AXDND1: variants seen among roughly 807,000 people sequenced by gnomAD.
AXDND1 encodes axonemal dynein light chain domain containing 1, also known as axonemal dynein light chain domain-containing protein 1.
In AXDND1, 110 loss-of-function variants were observed where a neutral mutation model predicts 137.5. The ratio of observed to expected loss-of-function variants is 0.80; its 90% CI spans 0.69 to 0.94. The LOEUF is 0.94. Among genes scored for constraint, AXDND1 ranks in the 40% least tolerant of loss-of-function variants. The pLI is 0.00. For missense variants in AXDND1, 1,191 were observed against 1,169.8 expected (o/e 1.02, Z -0.26); for synonymous variants, 414 against 399.7 (o/e 1.04, Z -0.43).
rs144388792 is a variant in AXDND1 at position 179,441,534 on chromosome 1, C to T, written c.1564-3436C>T. Among the ~76,000 whole-genome samples the T allele has an allele frequency of 5.1e-3, 781 of 152,296 alleles. 6 individuals are homozygous for T. Among genetic ancestry groups the T allele is most frequent in the African/African-American group, 0.018 (736 of 41,554 alleles). On this transcript the variant is annotated intron_variant, in intron 15 of 25. Transcript: ENST00000367618. ...CAATCCGCATTTGCATTCTCAAAAGCTAGAGTTAAGGTTAGCATTTCTGCG... is the reference window on the plus strand; with the variant it reads ...CAATCCGCATTTGCATTCTCAAAAGTTAGAGTTAAGGTTAGCATTTCTGCG...
chr1:179,464,428 T>C (rs1662826491), intron 16 of AXDND1, among the ~76,000 whole-genome samples: 1 of 152,200 alleles, frequency 6.6e-6, no homozygotes. Flanking sequence ...TCTTTAAGAA[T>C]GTTGAATATT....
intron 23 of AXDND1, among the ~76,000 whole-genome samples, chr1:179,532,720 C>A (rs1231436220): frequency 6.6e-6 from 1 of 151,604 alleles, no homozygotes; most frequent in Non-Finnish European, 1.5e-5. Context: ...CAATCTCTAC[C>A]TAAAAAAATT....
At chr1:179,475,219 C>CA (rs137969646) in intron 17 of AXDND1, among the ~76,000 whole-genome samples, 1 of 152,378 alleles carries the variant, frequency 6.6e-6, no homozygotes, top group East Asian at 1.9e-4. Flanking sequence ...AGCCCCCACA[C>CA]AGAGTCCCTA....
chr1:179,405,820 C>T (rs1424598355), intron 11 of AXDND1, among the ~76,000 whole-genome samples: 1 of 148,984 alleles, frequency 6.7e-6, no homozygotes, highest in African/African-American at 2.5e-5. Flanking sequence ...AAAAAGTTAA[C>T]TTTTTATTTT....
intron 20 of AXDND1, among the ~76,000 whole-genome samples, chr1:179,498,930 G>C (rs1667726844): frequency 1.3e-5 from 2 of 151,856 alleles, no homozygotes; most frequent in Admixed American, 6.6e-5. Flanking sequence ...AAAAACAACA[G>C]ATGCTAGTGA....
chr1:179,460,625 ACT>A (rs1243873894), intron 16 of AXDND1, among the ~76,000 whole-genome samples: 1 of 152,194 alleles, frequency 6.6e-6, no homozygotes, highest in Non-Finnish European at 1.5e-5. Context: ...GAATCGCCAC[ACT>A]GTCTTCCACA....
chr1:179,521,408 G>A (rs1670047658), intron 21 of AXDND1, among the ~76,000 whole-genome samples: 1 of 152,104 alleles, frequency 6.6e-6, no homozygotes, highest in Admixed American at 6.6e-5. Context: ...AATAGGGATA[G>A]TTTTACCTCT....
intron 21 of AXDND1, among the ~76,000 whole-genome samples, chr1:179,521,758 ATTT>A (rs34139679): frequency 0.28 from 35,039 of 123,698 alleles, 4,635 homozygotes; most frequent in East Asian, 0.54. Context: ...TCATTCTTAC[ATTT>A]TTTTTTTTTT....
chr1:179,480,990 T>A (rs929400687), intron 17 of AXDND1, among the ~76,000 whole-genome samples: 16 of 116,124 alleles, frequency 1.4e-4, no homozygotes, highest in Admixed American at 2.0e-4. Flanking sequence ...TTTTATATAT[T>A]TTTTTAATTA....
At position 179,439,737 on chromosome 1, in the gene AXDND1, C is replaced by T. The variant is rs1416396267; in HGVS notation, c.1564-5233C>T. Among the ~76,000 whole-genome samples, 7 of 152,166 alleles carry T rather than the reference C, an allele frequency of 4.6e-5. No homozygotes were observed. The South Asian group carries it at 1.0e-3, about 23-fold the overall frequency. ...TTATGAGGGTTGATGTCATCGTGACCCTTGTCAGCCTTCTCTCCGTCTTTG... is the reference window on the plus strand; with the variant it reads ...TTATGAGGGTTGATGTCATCGTGACTCTTGTCAGCCTTCTCTCCGTCTTTG... On this transcript the variant is annotated intron_variant, in intron 15 of 25. Transcript: ENST00000367618.
Position 179,383,519 on chromosome 1 carries a change from A to G in AXDND1, c.716A>G (p.Asn239Ser), listed in dbSNP as rs1409378290. 6.2e-7 allele frequency: 1 copy of G among 1,613,888 alleles called. No individual in the cohort carries two copies. Among genetic ancestry groups the G allele is most frequent in the Non-Finnish European group, 8.5e-7 (1 of 1,179,826 alleles). The change falls in exon 8 of 26, where the codon AAT becomes AGT. Residue 239 changes from asparagine to serine, a missense_variant. Physicochemically the swap from Asn to Ser is conservative, Grantham distance 46. Coordinates refer to ENST00000367618, the MANE Select transcript of AXDND1 (RefSeq NM_144696.6). The stretch of plus-strand genomic sequence containing the variant: ...ATGCTAGAGAGGGCTGGTGTGGAAA[A>G]TCAGGAATATACAGGACCAACGAAG... Reference protein sequence around the residue: ...DTMLERAGVENQEYTGPTKMH... With the variant: ...DTMLERAGVESQEYTGPTKMH...
chr1:179,436,940 A>G (rs1042775838), intron 15 of AXDND1, among the ~76,000 whole-genome samples: 6 of 152,128 alleles, frequency 3.9e-5, no homozygotes, highest in African/African-American at 1.4e-4. Flanking sequence ...ATATTTGCTT[A>G]TGCAGGGTAA....
intron 18 of AXDND1, among the ~76,000 whole-genome samples, chr1:179,484,704 T>C (rs370166320): frequency 6.6e-6 from 1 of 152,192 alleles, no homozygotes; most frequent in East Asian, 1.9e-4. Flanking sequence ...GCTTTGCTAG[T>C]GTGGTTGCAT....
chr1:179,481,819 T>G (rs1406552251), intron 17 of AXDND1, among the ~76,000 whole-genome samples: 2 of 152,240 alleles, frequency 1.3e-5, no homozygotes, highest in African/African-American at 4.8e-5. Flanking sequence ...TATATTGTGC[T>G]AAAACTACTT....
rs942716762 is a variant in AXDND1 at position 179,446,901 on chromosome 1, ATC to A, written c.1798+1703_1798+1704del. 7.8e-5 allele frequency among the ~76,000 whole-genome samples: 9 copies of A among 115,954 alleles called. 1 individual carries two copies. In the East Asian group the frequency reaches 8.0e-4, roughly 10 times the overall value. 76.1% of individuals were successfully genotyped at this position (115,954 alleles called of 152,430 possible). ...GTAAAATTAAAAATTAAACATAATA[ATC>A]TCTCTATATTTTACTTTTAAAAATT... On this transcript the variant is annotated intron_variant, in intron 16 of 25. Coordinates refer to ENST00000367618, the MANE Select transcript of AXDND1 (RefSeq NM_144696.6).
At chr1:179,433,828 T>C (rs976870137) in intron 15 of AXDND1, among the ~76,000 whole-genome samples, 4 of 151,928 alleles carry the variant, frequency 2.6e-5, no homozygotes, top group African/African-American at 7.2e-5. Flanking sequence ...ACTGAGAAGA[T>C]TTGTTGATTT....
chr1:179,401,404 C>T (rs1652032585), intron 11 of AXDND1, among the ~76,000 whole-genome samples: 2 of 152,134 alleles, frequency 1.3e-5, no homozygotes, highest in Admixed American at 1.3e-4. Context: ...TAAGAACACA[C>T]ATTACATCTT....
chr1:179,463,105 G>A (rs970383595), intron 16 of AXDND1, among the ~76,000 whole-genome samples: 8 of 152,010 alleles, frequency 5.3e-5, no homozygotes, highest in Non-Finnish European at 1.0e-4. Flanking sequence ...AGGGTTTTTT[G>A]TGTCTCTATC....
intron 18 of AXDND1, among the ~76,000 whole-genome samples, chr1:179,486,139 A>AC (rs1553291079): frequency 1.1e-5 from 1 of 87,770 alleles, no homozygotes; most frequent in Non-Finnish European, 2.3e-5. Flanking sequence ...AAAAAAAAAA[A>AC]AACCTGATAG....
Sources: gnomAD v4.1 joint callset for allele counts (sites outside exome capture counted in the v4.1 genomes callset) on GRCh38, gnomAD v4.1.1 for gene constraint, MANE v1.5 for transcripts, NCBI Gene and HGNC (gene_info 2026-07-23, HGNC 2026-07-21) for gene names.